Variants in MKI67 observed in about 807,000 individuals in gnomAD.
The protein encoded by MKI67 is marker of proliferation Ki-67.
Under a neutral mutation model 233.5 loss-of-function variants are expected in MKI67, and 152 were observed. The ratio of observed to expected loss-of-function variants is 0.65; its 90% CI spans 0.57 to 0.74. The LOEUF (loss-of-function observed/expected upper bound fraction) is 0.74, where lower values mean the gene tolerates loss of function less well. Ranked by LOEUF, MKI67 falls within the 30% of genes least tolerant of loss-of-function variation. The probability of loss-of-function intolerance (pLI) is 0.00; values close to 1 mark genes in which losing one functional copy is unlikely to be tolerated. For synonymous variants in MKI67, 1,465 were observed against 1,418.5 expected, an observed-to-expected ratio of 1.03 and a Z score of -0.74; for missense variants, 3,940 against 3,885.2, an observed-to-expected ratio of 1.01 and a Z score of -0.37.
chr10:128,097,556 G>T lies in MKI67; in HGVS notation c.*1634C>A, dbSNP rs1852237490. Reference sequence around the variant, plus strand: ...GCTGGATGAAATTTTTCTATGTGAGGTTCATAATTACTACTAAGTCTAAAG... The same window carrying T: ...GCTGGATGAAATTTTTCTATGTGAGTTTCATAATTACTACTAAGTCTAAAG... On this transcript the variant is annotated 3_prime_UTR_variant, in exon 15 of 15. Transcript: ENST00000368654. 6.6e-6 allele frequency: 1 copy of T among 152,028 alleles called. No homozygotes were observed. The highest frequency in any genetic ancestry group is 1.5e-5 in the Non-Finnish European group (1 of 68,012). 9.4% of individuals were successfully genotyped at this position (152,028 alleles called of 1,614,324 possible).
rs1852769533 is a variant in MKI67, at chr10:128,115,038, T to C, written c.1370A>G (p.Gln457Arg). 6.2e-7 allele frequency: 1 copy of C among 1,613,064 alleles called. No homozygotes were observed. Among genetic ancestry groups the C allele is most frequent in the Non-Finnish European group, 8.5e-7 (1 of 1,178,984 alleles). ...LWLTQVERKI[Q>R]KDSLSKPEKL... ...CTCAGGCTTGCTGAGGGAATCCTTTTGGATCTTCCTCTCAACTTGAGTGAG... is the reference window on the plus strand; with the variant it reads ...CTCAGGCTTGCTGAGGGAATCCTTTCGGATCTTCCTCTCAACTTGAGTGAG... Residue 457 changes from glutamine to arginine, a missense_variant, in exon 7 of 15, where the codon CAA (glutamine) becomes CGA (arginine). Coordinates refer to ENST00000368654, the MANE Select transcript of MKI67 (RefSeq NM_002417.5).
At position 128,111,703 on chromosome 10, in the gene MKI67, G is replaced by A. The variant is rs895127887; in HGVS notation, c.2202C>T (p.Tyr734=). The change falls in exon 11 of 15, where the codon TAC becomes TAT. Residue 734 remains tyrosine, a synonymous_variant. Coordinates refer to ENST00000368654, the MANE Select transcript of MKI67 (RefSeq NM_002417.5). ...TGGAAATGAAGTTGTTGAGCACTCTGTAGGGTCGAGCAGGCACATGTACTT... is the reference window on the plus strand; with the variant it reads ...TGGAAATGAAGTTGTTGAGCACTCTATAGGGTCGAGCAGGCACATGTACTT... ...TEKVHVPARP[Y]RVLNNFISNQ... The A allele has an allele frequency of 1.9e-6, 3 of 1,614,032 alleles. No individual in the cohort carries two copies. The highest frequency in any genetic ancestry group is 2.7e-5 in the African/African-American group (2 of 74,930).
In MKI67 at chr10:128,119,239, A is replaced by C. The variant is rs1376670286; in HGVS notation, c.354+14T>G. ...TCGAAACGAATCAGCCCAAACTTGG[A>C]TATTTTCTATCACCTGTTCACGTAT... is the stretch of plus-strand genomic sequence containing the variant. On this transcript the variant is annotated intron_variant, in intron 5 of 14. Transcript: ENST00000368654. The C allele has an allele frequency of 6.3e-7, 1 of 1,578,216 alleles. No homozygotes were observed. The highest frequency in any genetic ancestry group is 8.7e-7 in the Non-Finnish European group (1 of 1,148,432).
chr10:128,102,550 T>C, intron 13 of MKI67, 29 bp downstream of exon 13: 3 of 1,602,784 alleles, frequency 1.9e-6, no homozygotes, highest in Non-Finnish European at 1.7e-6. Context: ...CAAGACGATA[T>C]TGAGTGATGC....
chr10:128,103,556 C>T lies in MKI67; in HGVS notation c.8284G>A (p.Gly2762Ser), dbSNP rs376850226. 2.5e-6 allele frequency: 4 copies of T among 1,613,788 alleles called. No individual in the cohort carries two copies. The highest frequency in any genetic ancestry group is 2.7e-5 in the African/African-American group (2 of 74,820). The stretch of plus-strand genomic sequence containing the variant: ...GCAGATTCCTTCAATGCTTTGATGC[C>T]TTTATCTTCACCTGCTGGTTCTTTG... ...ADKEPAGEDK[G>S]IKALKESAKQ... The change falls in exon 13 of 15, where the codon GGC becomes AGC. Residue 2762 changes from glycine to serine, a missense_variant. Physicochemically the swap from Gly to Ser is moderately conservative, Grantham distance 56. Coordinates refer to ENST00000368654, the MANE Select transcript of MKI67 (RefSeq NM_002417.5).
At chr10:128,118,377 C>T (rs902886310) in intron 5 of MKI67, among the ~76,000 whole-genome samples, 5 of 138,012 alleles carry the variant, frequency 3.6e-5, no homozygotes, top group East Asian at 4.3e-4. Context: ...GCCTGGGTGA[C>T]GGAGTGAGAC....
Position 128,107,126 on chromosome 10 carries a change from T to C in MKI67, c.4714A>G (p.Lys1572Glu). Residue 1572 changes from lysine to glutamate, a missense_variant, in exon 13 of 15, where the codon AAG (lysine) becomes GAG (glutamate). Coordinates refer to ENST00000368654, the MANE Select transcript of MKI67 (RefSeq NM_002417.5). The stretch of plus-strand genomic sequence containing the variant: ...TCCTTAGGAGTTTGTAGCCGTCTCT[T>C]GCTGCCAGTTAAGTTCTCTGTCAGG... The part of the protein sequence containing the change: ...LDLTENLTGS[K>E]RRLQTPKEKA... 2 of 1,613,818 alleles carry C rather than the reference T, an allele frequency of 1.2e-6. No homozygotes were observed. The highest frequency in any genetic ancestry group is 8.5e-7 in the Non-Finnish European group (1 of 1,179,974).
intron 4 of MKI67, among the ~76,000 whole-genome samples, chr10:128,122,417 A>C (rs1398879317): frequency 6.6e-6 from 1 of 152,146 alleles, no homozygotes; most frequent in Non-Finnish European, 1.5e-5. Context: ...ATACAGTTAC[A>C]TCCTAAGGTA....
Position 128,119,330 on chromosome 10 carries a change from T to C in MKI67, c.288-11A>G. On this transcript the variant is annotated splice_polypyrimidine_tract_variant and intron_variant, in intron 4 of 14. Transcript: ENST00000368654. ...CTTTCATTTTCATACCTGCAGTTTATAGAACGACAAAGATCCTGATTAAAA... is the reference window on the plus strand; with the variant it reads ...CTTTCATTTTCATACCTGCAGTTTACAGAACGACAAAGATCCTGATTAAAA... The C allele has an allele frequency of 3.2e-6, 5 of 1,577,502 alleles. No individual in the cohort carries two copies. Among genetic ancestry groups the C allele is most frequent in the Non-Finnish European group, 4.4e-6 (5 of 1,147,686 alleles).
In MKI67 at chr10:128,106,974, T is replaced by A. The variant is rs545138743; in HGVS notation, c.4866A>T (p.Pro1622=). The change falls in exon 13 of 15, where the codon CCA becomes CCT. Residue 1622 remains proline (P), a synonymous_variant. Coordinates refer to ENST00000368654, the MANE Select transcript of MKI67 (RefSeq NM_002417.5). ...KVACKSSQPD[P]DKNPASSKRR... Reference sequence around the variant, plus strand: ...GCTTGGAGCTTGCTGGGTTTTTGTCTGGGTCTGGTTGTGAAGATTTGCAGG... The same window carrying A: ...GCTTGGAGCTTGCTGGGTTTTTGTCAGGGTCTGGTTGTGAAGATTTGCAGG... 1.1e-3 allele frequency: 1,711 copies of A among 1,614,146 alleles called. 44 individuals are homozygous for A. The South Asian group carries it at 0.017, about 16-fold the overall frequency.
Position 128,104,224 on chromosome 10 carries a change from A to G in MKI67, c.7616T>C (p.Val2539Ala), listed in dbSNP as rs1430913784. 1 of 1,613,708 alleles carries G rather than the reference A, an allele frequency of 6.2e-7. No homozygotes were observed. The highest frequency in any genetic ancestry group is 8.5e-7 in the Non-Finnish European group (1 of 1,180,000). ...PKQILDPAAS[V>A]TGSRRQLRTR... The stretch of plus-strand genomic sequence containing the variant: ...TCTCAGCTGCCTCCTGCTACCAGTT[A>G]CACTTGCTGCTGGGTCCAGGATCTG... Residue 2539 changes from valine (V) to alanine (A), a missense_variant, in exon 13 of 15, where the codon GTA becomes GCA. Transcript: ENST00000368654.
At position 128,125,905 on chromosome 10, in the gene MKI67, G is replaced by C; in HGVS notation, c.-89-149C>G. ...CGACCGCAGCCCCCGGCGCCCCAAA[G>C]TCCGGCAGCTGGGGTGTTGTCGCCA... On this transcript the variant is annotated intron_variant, in intron 1 of 14. Coordinates refer to ENST00000368654, the MANE Select transcript of MKI67 (RefSeq NM_002417.5). This position sits in a 1 kb window ranked among gnomAD's most constrained non-coding sequence, Gnocchi z 5.3. 5 of 520,630 alleles carry C rather than the reference G, an allele frequency of 9.6e-6. No homozygotes were observed. The highest frequency in any genetic ancestry group is 3.6e-5 in the East Asian group (1 of 27,830). 32.3% of individuals were successfully genotyped at this position (520,630 alleles called of 1,614,324 possible).
chr10:128,110,816 C>T (rs1317435694), intron 11 of MKI67, among the ~76,000 whole-genome samples: 2 of 152,200 alleles, frequency 1.3e-5, no homozygotes, highest in Admixed American at 6.5e-5. Context: ...AGACCCCACA[C>T]GTGAGCTCTG....
At position 128,104,031 on chromosome 10, in the gene MKI67, G is replaced by A. The variant is rs201685357; in HGVS notation, c.7809C>T (p.Cys2603=). 1.4e-5 allele frequency: 23 copies of A among 1,613,850 alleles called. No homozygotes were observed. Among genetic ancestry groups the A allele is most frequent in the Middle Eastern group, 1.6e-4 (1 of 6,084 alleles). The part of the protein sequence containing the change: ...LTDTATSTKR[C]PKTRPRKEVK... Reference sequence around the variant, plus strand: ...CTTCTTTCCTGGGACGTGTCTTGGGGCATCTCTTTGTGCTCGTGGCAGTGT... The same window carrying A: ...CTTCTTTCCTGGGACGTGTCTTGGGACATCTCTTTGTGCTCGTGGCAGTGT... The change falls in exon 13 of 15, where the codon TGC becomes TGT. Residue 2603 remains cysteine (C), a synonymous_variant. Coordinates refer to ENST00000368654, the MANE Select transcript of MKI67 (RefSeq NM_002417.5).
Position 128,103,338 on chromosome 10 carries a change from G to T in MKI67, c.8502C>A (p.Thr2834=), listed in dbSNP as rs61729200. Residue 2834 remains threonine, a synonymous_variant, in exon 13 of 15, where the codon ACC becomes ACA. Transcript: ENST00000368654. ...PCKSSPELED[T]ATSSKRRPRT... ...TGGGCCGTCTCTTTGAGCTTGTTGC[G>T]GTGTCTTCTAGTTCTGGTGATGATT... 2 of 1,614,022 alleles carry T rather than the reference G, an allele frequency of 1.2e-6. No homozygotes were observed. Among genetic ancestry groups the T allele is most frequent in the Non-Finnish European group, 1.7e-6 (2 of 1,180,020 alleles).
chr10:128,116,413 G>T (rs945328438), intron 6 of MKI67, 78 bp downstream of exon 6: 3 of 1,291,268 alleles, frequency 2.3e-6, no homozygotes, highest in Admixed American at 1.7e-5. Flanking sequence ...TTGCATTCTT[G>T]TTGCCCCTTC....
chr10:128,120,013 G>C (rs557181256), intron 4 of MKI67, among the ~76,000 whole-genome samples: 1 of 152,210 alleles, frequency 6.6e-6, no homozygotes, highest in South Asian at 2.1e-4. Context: ...GGCAACCTAA[G>C]TAAGATCTGA....
rs777637722 is a variant in MKI67 at position 128,112,385 on chromosome 10, C to T, written c.1717G>A (p.Ala573Thr). The T allele has an allele frequency of 8.7e-6, 14 of 1,613,982 alleles. No homozygotes were observed. The highest frequency in any genetic ancestry group is 2.5e-6 in the Non-Finnish European group (3 of 1,179,944). Residue 573 changes from alanine (A) to threonine (T), a missense_variant, in exon 9 of 15, where the codon GCA becomes ACA. By Grantham distance (58) the Ala-to-Thr change is moderately conservative. Transcript: ENST00000368654. Reference sequence around the variant, plus strand: ...GGAGGGCTTATAACCAAGCTTTGTGCCTTCACTTCCACATGGATTTCTGAA... The same window carrying T: ...GGAGGGCTTATAACCAAGCTTTGTGTCTTCACTTCCACATGGATTTCTGAA... ...SGSEIHVEVK[A>T]QSLVISPPAP... is the part of the protein sequence containing the mutation.
chr10:128,119,510 A>C (rs1240296893), intron 4 of MKI67, among the ~76,000 whole-genome samples, 191 bp from the exon 5 acceptor site: 2 of 152,202 alleles, frequency 1.3e-5, no homozygotes, highest in African/African-American at 4.8e-5. Flanking sequence ...AGTTGCATCG[A>C]GTTTGTTTTG....
Sources: allele counts gnomAD v4.1 joint callset (sites outside exome capture counted in the v4.1 genomes callset), GRCh38; gene constraint gnomAD v4.1.1; non-coding constraint Gnocchi (gnomAD v3.1); transcripts MANE v1.5; gene names NCBI Gene and HGNC (gene_info 2026-07-23, HGNC 2026-07-21).